Variants in PDZRN4 observed in about 807,000 individuals in gnomAD.
The protein encoded by PDZRN4 is PDZ domain containing ring finger 4.
PDZRN4 carries 70 observed loss-of-function variants against 99.0 expected under a neutral mutation model. The observed-to-expected ratio is 0.71, with a 90% CI of 0.58 to 0.86. The LOEUF (loss-of-function observed/expected upper bound fraction) is 0.86. PDZRN4 is among the 40% of genes least tolerant of loss of function. The probability of loss-of-function intolerance (pLI) is 0.00; values close to 1 mark genes in which losing one functional copy is unlikely to be tolerated. For missense variants in PDZRN4, 1,474 were observed against 1,331.2 expected (o/e 1.11, Z -1.67); for synonymous variants, 551 against 501.6 (o/e 1.10, Z -1.32).
rs948447733 is a variant in PDZRN4, at chr12:41,421,131, T to C, written c.844-85325T>C. 5.9e-5 allele frequency among the ~76,000 whole-genome samples: 9 copies of C among 152,324 alleles called. No homozygotes were observed. The East Asian group carries it at 1.2e-3, about 20-fold the overall frequency. On this transcript the variant is annotated intron_variant, in intron 3 of 9. Coordinates refer to ENST00000402685, the MANE Select transcript of PDZRN4 (RefSeq NM_001164595.2). ...CATATACCTCTTTTCAATTCCGTGT[T>C]CAAGACTGTTTACACACTATTGTAA...
At chr12:41,259,460 A>G (rs866421834) in intron 3 of PDZRN4, among the ~76,000 whole-genome samples, 2 of 152,264 alleles carry the variant, frequency 1.3e-5, no homozygotes, top group Middle Eastern at 6.8e-3. Context: ...ACTGCATTTT[A>G]ACAAAACTAG....
At chr12:41,428,844 G>C (rs1268955183) in intron 3 of PDZRN4, among the ~76,000 whole-genome samples, 2 of 152,140 alleles carry the variant, frequency 1.3e-5, no homozygotes, top group Non-Finnish European at 2.9e-5. Context: ...ATCTAGGAAA[G>C]TGGCATAGGA....
intron 5 of PDZRN4, among the ~76,000 whole-genome samples, chr12:41,514,480 T>G (rs562682507): frequency 6.6e-6 from 1 of 152,044 alleles, no homozygotes; most frequent in African/African-American, 2.4e-5. Flanking sequence ...TTTGAGCAAC[T>G]TCATGATTTG....
At position 41,572,680 on chromosome 12, in the gene PDZRN4, A is replaced by G; in HGVS notation, c.1901A>G (p.Lys634Arg). 1.2e-6 allele frequency: 2 copies of G among 1,614,154 alleles called. No homozygotes were observed. Among genetic ancestry groups the G allele is most frequent in the South Asian group, 1.1e-5 (1 of 91,078 alleles). ...CERFRQLLEL[K>R]CKIRNHGEYD... ...AGATTCAGGCAGCTCTTGGAGCTCA[A>G]ATGCAAGATTCGAAATCATGGAGAG... Residue 634 changes from lysine (K) to arginine (R), a missense_variant, in exon 10 of 10, where the codon AAA becomes AGA. Coordinates refer to ENST00000402685, the MANE Select transcript of PDZRN4 (RefSeq NM_001164595.2).
intron 7 of PDZRN4, among the ~76,000 whole-genome samples, chr12:41,557,100 G>T (rs913539259): frequency 1.5e-5 from 2 of 137,454 alleles, no homozygotes; most frequent in East Asian, 4.3e-4. Context: ...GCAGTGAGCC[G>T]AGATGCCACC....
chr12:41,524,629 G>A lies in PDZRN4; in HGVS notation c.1203+14716G>A, dbSNP rs140105303. On this transcript the variant is annotated intron_variant, in intron 5 of 9. Transcript: ENST00000402685. Reference sequence around the variant, plus strand: ...GAAGACAGGGGAGAATTACAGGCCCGATAATTCAGGACCTTGCAAATCATA... The same window carrying A: ...GAAGACAGGGGAGAATTACAGGCCCAATAATTCAGGACCTTGCAAATCATA... Among the ~76,000 whole-genome samples the A allele has an allele frequency of 3.5e-4, 54 of 152,236 alleles. 1 individual carries two copies. The East Asian group carries it at 9.1e-3, about 26-fold the overall frequency.
intron 3 of PDZRN4, among the ~76,000 whole-genome samples, chr12:41,310,789 T>C (rs1008005136): frequency 2.0e-5 from 3 of 152,242 alleles, no homozygotes; most frequent in Non-Finnish European, 4.4e-5. Context: ...ACAAATATTT[T>C]GTCACTTTCT....
intron 3 of PDZRN4, among the ~76,000 whole-genome samples, chr12:41,412,751 T>C (rs1470230547): frequency 6.6e-6 from 1 of 152,134 alleles, no homozygotes; most frequent in Non-Finnish European, 1.5e-5. Flanking sequence ...TACCAAATGC[T>C]GAAGGGGAAG....
intron 3 of PDZRN4, among the ~76,000 whole-genome samples, chr12:41,208,309 T>C (rs1450840880): frequency 1.3e-5 from 2 of 151,922 alleles, no homozygotes; most frequent in Non-Finnish European, 2.9e-5. Context: ...TTTGAAGAGA[T>C]TTTGCTGCTT....
chr12:41,464,756 T>C (rs972001376), intron 3 of PDZRN4, among the ~76,000 whole-genome samples: 1 of 152,082 alleles, frequency 6.6e-6, no homozygotes, highest in African/African-American at 2.4e-5. Flanking sequence ...CTAGAGCCTG[T>C]TTAGAACCAT....
At chr12:41,569,425 T>G (rs1939436853) in intron 9 of PDZRN4, among the ~76,000 whole-genome samples, 1 of 151,676 alleles carries the variant, frequency 6.6e-6, no homozygotes, top group Non-Finnish European at 1.5e-5. Flanking sequence ...CAGCTAATTT[T>G]TGTATTTTTA....
intron 3 of PDZRN4, among the ~76,000 whole-genome samples, chr12:41,309,662 G>GCA (rs1324503122): frequency 3.9e-5 from 6 of 152,012 alleles, no homozygotes; most frequent in African/African-American, 1.4e-4. Flanking sequence ...GTTAATGGCT[G>GCA]TAATATGTAA....
intron 3 of PDZRN4, among the ~76,000 whole-genome samples, chr12:41,447,398 T>G (rs1377842914): frequency 6.6e-6 from 1 of 152,244 alleles, no homozygotes; most frequent in East Asian, 1.9e-4. Context: ...GCACACTAAA[T>G]ATCAAGCATA....
chr12:41,478,785 A>ACACAC (rs1460393564), intron 3 of PDZRN4, among the ~76,000 whole-genome samples: 1 of 152,106 alleles, frequency 6.6e-6, no homozygotes, highest in Non-Finnish European at 1.5e-5. Flanking sequence ...ACACAACACA[A>ACACAC]CACACACTGT....
intron 3 of PDZRN4, among the ~76,000 whole-genome samples, chr12:41,234,303 A>AGGAATAT (rs1397757881): frequency 6.6e-6 from 1 of 152,144 alleles, no homozygotes; most frequent in African/African-American, 2.4e-5. Context: ...CATGTAAATT[A>AGGAATAT]GGAATATGAG....
At chr12:41,254,829 T>G (rs973737725) in intron 3 of PDZRN4, among the ~76,000 whole-genome samples, 1 of 152,216 alleles carries the variant, frequency 6.6e-6, no homozygotes, top group African/African-American at 2.4e-5. Context: ...CAGTAGCTCA[T>G]GCCTGTAATT....
intron 3 of PDZRN4, among the ~76,000 whole-genome samples, chr12:41,423,916 G>T (rs1054186434): frequency 6.6e-6 from 1 of 152,150 alleles, no homozygotes; most frequent in African/African-American, 2.4e-5. Context: ...CACAAATGGA[G>T]AAACAGACTC....
intron 3 of PDZRN4, among the ~76,000 whole-genome samples, chr12:41,252,642 A>G (rs1207808754): frequency 3.3e-5 from 5 of 152,124 alleles, no homozygotes; most frequent in African/African-American, 7.2e-5. Flanking sequence ...AGGGAGGCTG[A>G]GGGAGGAGAA....
At chr12:41,289,416 T>A (rs931358958) in intron 3 of PDZRN4, among the ~76,000 whole-genome samples, 1 of 152,170 alleles carries the variant, frequency 6.6e-6, no homozygotes, top group Non-Finnish European at 1.5e-5. Context: ...GACTCTGAAC[T>A]AGTCCAGAAA....
Sources: gnomAD v4.1 joint callset for allele counts (sites outside exome capture counted in the v4.1 genomes callset) on GRCh38, gnomAD v4.1.1 for gene constraint, MANE v1.5 for transcripts, NCBI Gene and HGNC (gene_info 2026-07-23, HGNC 2026-07-21) for gene names.